VAV3: variants seen among roughly 807,000 people sequenced by gnomAD.
The protein encoded by VAV3 is guanine nucleotide exchange factor VAV3.
A neutral mutation model predicts 131.2 loss-of-function variants in VAV3; 94 were observed. The ratio of observed to expected loss-of-function variants is 0.72; its 90% CI spans 0.61 to 0.85. The LOEUF (loss-of-function observed/expected upper bound fraction) is 0.85. Among genes scored for constraint, VAV3 ranks in the 40% least tolerant of loss-of-function variants. VAV3 has a pLI of 0.00. For synonymous variants in VAV3, 349 were observed against 342.0 expected (o/e 1.02, Z -0.22); for missense variants, 939 against 1,002.7 (o/e 0.94, Z 0.86).
intron 13 of VAV3, among the ~76,000 whole-genome samples, 173 bp downstream of exon 13, chr1:107,750,944 G>A (rs1484645966): frequency 6.6e-6 from 1 of 152,230 alleles, no homozygotes; most frequent in East Asian, 1.9e-4. Context: ...GAACCCAGGT[G>A]GGAATACCTA....
intron 21 of VAV3, among the ~76,000 whole-genome samples, chr1:107,613,363 T>C (rs1652900051): frequency 6.6e-6 from 1 of 152,102 alleles, no homozygotes; most frequent in South Asian, 2.1e-4. Context: ...TGTATTTGTA[T>C]CTCATCACTC....
chr1:107,880,603 C>G lies in VAV3; in HGVS notation c.205-5586G>C, dbSNP rs143077416. 6.3e-3 allele frequency among the ~76,000 whole-genome samples: 958 copies of G among 152,228 alleles called. 13 individuals carry two copies. Among genetic ancestry groups the G allele is most frequent in the African/African-American group, 0.022 (932 of 41,546 alleles). ...CTGAGGTCAGGAGCTCGAGACCAGC[C>G]TGGCCAACATGGCAAAACCTCATCT... On this transcript the variant is annotated intron_variant, in intron 1 of 26. Coordinates refer to ENST00000370056, the MANE Select transcript of VAV3 (RefSeq NM_006113.5).
At chr1:107,904,730 T>G (rs1672021596) in intron 1 of VAV3, among the ~76,000 whole-genome samples, 1 of 152,198 alleles carries the variant, frequency 6.6e-6, no homozygotes, top group South Asian at 2.1e-4. Context: ...ATCAGTAAAC[T>G]AAAAATGCAT....
chr1:107,574,235 A>C, intron 25 of VAV3, 37 bp from the exon 26 acceptor site: 1 of 1,603,280 alleles, frequency 6.2e-7, no homozygotes, highest in Non-Finnish European at 8.5e-7. Flanking sequence ...GTAGGTTTGC[A>C]GTTCGTTAAC....
At chr1:107,691,908 T>C (rs1202832301) in intron 17 of VAV3, among the ~76,000 whole-genome samples, 1 of 152,184 alleles carries the variant, frequency 6.6e-6, no homozygotes, top group African/African-American at 2.4e-5. Context: ...AAATTTCAAG[T>C]GAAAATTTAA....
rs535373199 is a variant in VAV3 at position 107,583,813 on chromosome 1, G to A, written c.2351-9615C>T. 4.5e-4 allele frequency among the ~76,000 whole-genome samples: 68 copies of A among 152,282 alleles called. 1 individual carries two copies. The South Asian group carries it at 0.012, about 27-fold the overall frequency. ...CATGGGTAGGAAGAATCAATATCGC[G>A]AAAATGGCCATACTGCCCAAGGTAA... On this transcript the variant is annotated intron_variant, in intron 25 of 26. Coordinates refer to ENST00000370056, the MANE Select transcript of VAV3 (RefSeq NM_006113.5).
intron 2 of VAV3, among the ~76,000 whole-genome samples, chr1:107,824,314 T>C (rs899848843): frequency 2.6e-5 from 4 of 152,172 alleles, no homozygotes; most frequent in African/African-American, 9.7e-5. Flanking sequence ...GAGAATAAGG[T>C]GATAACTAAC....
At chr1:107,722,897 C>A (rs979618883) in intron 15 of VAV3, among the ~76,000 whole-genome samples, 10 of 132,136 alleles carry the variant, frequency 7.6e-5, no homozygotes, top group Admixed American at 5.4e-4. Context: ...TTCATAGTGA[C>A]CTTTCCCACT....
intron 19 of VAV3, among the ~76,000 whole-genome samples, chr1:107,659,752 A>C (rs1346383322): frequency 2.6e-5 from 4 of 152,174 alleles, no homozygotes; most frequent in African/African-American, 9.7e-5. Flanking sequence ...TGTTACCCGC[A>C]CTTGGTTTTT....
intron 1 of VAV3, among the ~76,000 whole-genome samples, chr1:107,939,041 G>T (rs1224829606): frequency 6.6e-6 from 1 of 152,156 alleles, no homozygotes; most frequent in Non-Finnish European, 1.5e-5. Context: ...GACCATAAAT[G>T]TTATCCTCCC....
Position 107,585,078 on chromosome 1 carries a change from T to G in VAV3, c.2351-10880A>C, listed in dbSNP as rs535540359. ...GAAATGATTGATTTTGGATTGAGAA[T>G]GCTATGATTAGACTTTAGGCTCTAT... On this transcript the variant is annotated intron_variant, in intron 25 of 26. Transcript: ENST00000370056. 9.5e-4 allele frequency among the ~76,000 whole-genome samples: 144 copies of G among 152,316 alleles called. 1 individual carries two copies. Among genetic ancestry groups the G allele is most frequent in the African/African-American group, 3.4e-3 (140 of 41,570 alleles).
intron 2 of VAV3, among the ~76,000 whole-genome samples, chr1:107,865,563 G>A (rs1454398630): frequency 1.3e-5 from 2 of 152,200 alleles, no homozygotes; most frequent in Non-Finnish European, 2.9e-5. Context: ...GGGAGTTTAT[G>A]GGAGTAGGAA....
intron 15 of VAV3, among the ~76,000 whole-genome samples, chr1:107,746,895 T>C (rs1194132477): frequency 1.3e-5 from 2 of 152,000 alleles, no homozygotes; most frequent in Admixed American, 6.6e-5. Context: ...TTTTTTTTTT[T>C]TCAAGACGGA....
chr1:107,774,749 G>C (rs1461481951), intron 4 of VAV3, among the ~76,000 whole-genome samples: 1 of 152,094 alleles, frequency 6.6e-6, no homozygotes, highest in Non-Finnish European at 1.5e-5. Context: ...CTCCACAGTG[G>C]GGACCAGGCC....
chr1:107,839,258 C>A (rs192267534), intron 2 of VAV3, among the ~76,000 whole-genome samples: 4 of 152,250 alleles, frequency 2.6e-5, no homozygotes, highest in African/African-American at 4.8e-5. Flanking sequence ...AAATACAAAA[C>A]TGATAACCTA....
chr1:107,683,509 T>C lies in VAV3; in HGVS notation c.1756A>G (p.Thr586Ala). The C allele has an allele frequency of 6.2e-7, 1 of 1,613,700 alleles. No homozygotes were observed. Among genetic ancestry groups the C allele is most frequent in the South Asian group, 1.1e-5 (1 of 91,038 alleles). Reference sequence around the variant, plus strand: ...ACACCTGGATCCACCTGTTTAGGAGTTCTTCGCAGTCCATTGGTCCGTTTC... The same window carrying C: ...ACACCTGGATCCACCTGTTTAGGAGCTCTTCGCAGTCCATTGGTCCGTTTC... ...PEKRTNGLRR[T>A]PKQVDPGLPK... is the part of the protein sequence containing the mutation. The change falls in exon 19 of 27, where the codon ACT (threonine) becomes GCT (alanine). Residue 586 changes from threonine (T) to alanine (A), a missense_variant. Thr to Ala is a moderately conservative substitution (Grantham distance 58, BLOSUM62 0). Coordinates refer to ENST00000370056, the MANE Select transcript of VAV3 (RefSeq NM_006113.5).
At chr1:107,816,475 T>G (rs1051078634) in intron 2 of VAV3, among the ~76,000 whole-genome samples, 1 of 152,146 alleles carries the variant, frequency 6.6e-6, no homozygotes, top group Non-Finnish European at 1.5e-5. Flanking sequence ...TCTTATACAG[T>G]CTTGAGCAGT....
At chr1:107,768,410 C>T in intron 7 of VAV3, 31 bp downstream of exon 7, 1 of 1,567,922 alleles carries the variant, frequency 6.4e-7, no homozygotes. Context: ...TTGAAGTACA[C>T]CACAATTTTA....
chr1:107,794,413 C>T (rs984615854), intron 2 of VAV3, among the ~76,000 whole-genome samples: 3 of 152,172 alleles, frequency 2.0e-5, no homozygotes, highest in African/African-American at 4.8e-5. Context: ...GATTATGATA[C>T]ATTTTTTCCT....
Sources: allele counts gnomAD v4.1 joint callset (sites outside exome capture counted in the v4.1 genomes callset), GRCh38; gene constraint gnomAD v4.1.1; transcripts MANE v1.5; gene names NCBI Gene and HGNC (gene_info 2026-07-23, HGNC 2026-07-21).